The following WDFY2 variants were observed in gnomAD, a reference collection of about 807,000 sequenced individuals.
WDFY2 encodes WD repeat and FYVE domain-containing protein 2.
In WDFY2, 36 loss-of-function variants were observed where a neutral mutation model predicts 56.4. The observed-to-expected ratio is 0.64, with a 90% CI of 0.49 to 0.84. The LOEUF (loss-of-function observed/expected upper bound fraction) is 0.84. Among genes scored for constraint, WDFY2 ranks in the 40% least tolerant of loss-of-function variants. The probability of loss-of-function intolerance (pLI) is 0.00; values close to 1 mark genes in which losing one functional copy is unlikely to be tolerated. For synonymous variants in WDFY2, 176 were observed against 183.7 expected (o/e 0.96, Z 0.34); for missense variants, 444 against 512.2 (o/e 0.87, Z 1.29).
chr13:51,675,699 C>T (rs1393403007), intron 3 of WDFY2, among the ~76,000 whole-genome samples: 4 of 152,054 alleles, frequency 2.6e-5, no homozygotes, highest in African/African-American at 4.8e-5. Context: ...CTTGTTTTTT[C>T]CAGCTCCCTT....
rs746953501 is a variant in WDFY2 at position 51,675,198 on chromosome 13, G to T, written c.234G>T (p.Pro78=). The T allele has an allele frequency of 1.2e-6, 2 of 1,613,810 alleles. No homozygotes were observed. Among genetic ancestry groups the T allele is most frequent in the Non-Finnish European group, 1.7e-6 (2 of 1,179,884 alleles). ...PSPCSCMSFN[P]ETRRLSIGLD... ...CATGTTCATGCATGTCTTTTAACCC[G>T]GAAACAAGAAGACTGTCCATAGGTC... Residue 78 remains proline (P), a synonymous_variant, in exon 3 of 12, where the codon CCG becomes CCT. Coordinates refer to ENST00000298125, the MANE Select transcript of WDFY2 (RefSeq NM_052950.4).
At position 51,766,247 on chromosome 13, in the gene WDFY2, T is replaced by A. The variant is rs1317563765; in HGVS notation, c.*6478T>A. 6.6e-6 allele frequency: 1 copy of A among 152,254 alleles called. No homozygotes were observed. Among genetic ancestry groups the A allele is most frequent in the Non-Finnish European group, 1.5e-5 (1 of 68,048 alleles). 9.4% of individuals were successfully genotyped at this position (152,254 alleles called of 1,614,324 possible). A position where few individuals can be genotyped will look rare whatever the true frequency, so the allele number is the denominator to read the frequency against. ...CATTTTGCAAAAGGAAATCTTTATATGAAATGTACAAAAACCGTTACTAAC... is the reference window on the plus strand; with the variant it reads ...CATTTTGCAAAAGGAAATCTTTATAAGAAATGTACAAAAACCGTTACTAAC... On this transcript the variant is annotated 3_prime_UTR_variant, in exon 12 of 12. Coordinates refer to ENST00000298125, the MANE Select transcript of WDFY2 (RefSeq NM_052950.4).
At chr13:51,605,162 C>T (rs917862292) in intron 1 of WDFY2, among the ~76,000 whole-genome samples, 14 of 152,322 alleles carry the variant, frequency 9.2e-5, no homozygotes, top group Admixed American at 8.5e-4. Context: ...GAGATGGGTG[C>T]TCACTGTGTT....
intron 3 of WDFY2, among the ~76,000 whole-genome samples, chr13:51,700,535 C>G (rs1272376722): frequency 6.6e-6 from 1 of 152,156 alleles, no homozygotes; most frequent in African/African-American, 2.4e-5. Flanking sequence ...AATGGTCATA[C>G]TCTCTGATCC....
intron 2 of WDFY2, among the ~76,000 whole-genome samples, chr13:51,661,101 T>G (rs759090393): frequency 3.3e-5 from 5 of 152,224 alleles, no homozygotes; most frequent in Non-Finnish European, 5.9e-5. Flanking sequence ...AAGGATTTGC[T>G]TAGGATTGAA....
chr13:51,743,157 G>A (rs1281869356), intron 7 of WDFY2, among the ~76,000 whole-genome samples: 2 of 152,144 alleles, frequency 1.3e-5, no homozygotes, highest in Non-Finnish European at 2.9e-5. Context: ...TAGAGGGGAC[G>A]AGATGTGTCT....
intron 1 of WDFY2, among the ~76,000 whole-genome samples, chr13:51,595,260 AG>A (rs1017436901): frequency 3.3e-5 from 5 of 152,202 alleles, no homozygotes; most frequent in African/African-American, 1.2e-4. Flanking sequence ...GAATACACTT[AG>A]GGAAGGATAA....
At chr13:51,585,091 A>G (rs1236391707) in intron 1 of WDFY2, among the ~76,000 whole-genome samples, 4 of 152,192 alleles carry the variant, frequency 2.6e-5, no homozygotes, top group Non-Finnish European at 5.9e-5. Flanking sequence ...CCCTCGGGCT[A>G]ACGGTGCGCT....
Position 51,762,307 on chromosome 13 carries a change from A to G in WDFY2, c.*2538A>G, listed in dbSNP as rs1446346113. 3 of 152,414 alleles carry G rather than the reference A, an allele frequency of 2.0e-5. No individual in the cohort carries two copies. Among genetic ancestry groups the G allele is most frequent in the African/African-American group, 4.8e-5 (2 of 41,548 alleles). The allele number at this position is 152,414 out of a possible 1,614,324, so 9.4% of individuals were successfully genotyped here. The stretch of plus-strand genomic sequence containing the variant: ...CCCCGTCAGATCACATATGTCCTCT[A>G]CAGTCGCTCTGGCCTGTGACCTTGC... On this transcript the variant is annotated 3_prime_UTR_variant, in exon 12 of 12. Transcript: ENST00000298125.
At chr13:51,628,663 G>A (rs996606269) in intron 1 of WDFY2, among the ~76,000 whole-genome samples, 2 of 152,198 alleles carry the variant, frequency 1.3e-5, no homozygotes, top group Non-Finnish European at 2.9e-5. Flanking sequence ...AGATGGCCAC[G>A]GCTGCCATCG....
At chr13:51,622,052 A>T (rs1954739869) in intron 1 of WDFY2, among the ~76,000 whole-genome samples, 3 of 152,174 alleles carry the variant, frequency 2.0e-5, no homozygotes, top group African/African-American at 7.2e-5. Context: ...GTTTAGTTTC[A>T]TCTTCAACAT....
At chr13:51,658,032 T>C (rs1005247781) in intron 1 of WDFY2, among the ~76,000 whole-genome samples, 2 of 152,240 alleles carry the variant, frequency 1.3e-5, no homozygotes, top group Non-Finnish European at 2.9e-5. Context: ...TTCCTTTTTC[T>C]TTGTATACTT....
At position 51,632,979 on chromosome 13, in the gene WDFY2, ATTTT is replaced by A. The variant is rs543537973; in HGVS notation, c.138-27612_138-27609del. Among the ~76,000 whole-genome samples, 158 of 152,154 alleles carry A rather than the reference ATTTT, an allele frequency of 1.0e-3. 2 individuals are homozygous for A. The highest frequency in any genetic ancestry group is 8.8e-3 in the Admixed American group (135 of 15,272). ...AGGGAAAAACGTTAGATTTACTGTGATTTTTTTTATCTGCAGCTTAGAGTTCTAA... is the reference window on the plus strand; with the variant it reads ...AGGGAAAAACGTTAGATTTACTGTGATTTTATCTGCAGCTTAGAGTTCTAA... On this transcript the variant is annotated intron_variant, in intron 1 of 11. Transcript: ENST00000298125.
At chr13:51,718,477 TGGAATTAC>T (rs1336335540) in intron 4 of WDFY2, among the ~76,000 whole-genome samples, 1 of 152,096 alleles carries the variant, frequency 6.6e-6, no homozygotes, top group Non-Finnish European at 1.5e-5. Context: ...CTTCTAATTC[TGGAATTAC>T]GTGATGTGAT....
At chr13:51,645,752 C>G (rs1189786605) in intron 1 of WDFY2, among the ~76,000 whole-genome samples, 1 of 152,126 alleles carries the variant, frequency 6.6e-6, no homozygotes, top group Non-Finnish European at 1.5e-5. Context: ...TCTTGACCAC[C>G]CCTTAACTCT....
chr13:51,594,865 A>G (rs1262765774), intron 1 of WDFY2, among the ~76,000 whole-genome samples: 1 of 152,084 alleles, frequency 6.6e-6, no homozygotes, highest in Non-Finnish European at 1.5e-5. Flanking sequence ...AGTTTGTTTT[A>G]TTTTTTGTTT....
chr13:51,733,201 A>G (rs951294569), intron 6 of WDFY2, among the ~76,000 whole-genome samples: 20 of 152,012 alleles, frequency 1.3e-4, no homozygotes, highest in African/African-American at 4.6e-4. Flanking sequence ...ACACCCATCA[A>G]AGTTTTTTTA....
chr13:51,658,475 A>G (rs1955552914), intron 1 of WDFY2, among the ~76,000 whole-genome samples: 2 of 152,202 alleles, frequency 1.3e-5, no homozygotes, highest in African/African-American at 4.8e-5. Context: ...AGGCCACTCA[A>G]GGAACATGAG....
chr13:51,651,153 G>A (rs946382860), intron 1 of WDFY2, among the ~76,000 whole-genome samples: 3 of 152,214 alleles, frequency 2.0e-5, no homozygotes, highest in African/African-American at 7.2e-5. Context: ...GAGGGTGTAT[G>A]TGTCAAGGAA....
Sources: gnomAD v4.1 joint callset for allele counts (sites outside exome capture counted in the v4.1 genomes callset) on GRCh38, gnomAD v4.1.1 for gene constraint, MANE v1.5 for transcripts, NCBI Gene and HGNC (gene_info 2026-07-23, HGNC 2026-07-21) for gene names.